LRMDA: variants seen among roughly 807,000 people sequenced by gnomAD.
The protein encoded by LRMDA is leucine rich melanocyte differentiation associated.
Under a neutral mutation model 29.8 loss-of-function variants are expected in LRMDA, and 18 were observed. The observed-to-expected ratio is 0.60, with a 90% CI of 0.42 to 0.90. The LOEUF (loss-of-function observed/expected upper bound fraction) is 0.90. Ranked by LOEUF, LRMDA falls within the 40% of genes least tolerant of loss-of-function variation. The probability of loss-of-function intolerance (pLI) is 0.00; values close to 1 mark genes in which losing one functional copy is unlikely to be tolerated. For synonymous variants in LRMDA, 125 were observed against 109.4 expected (o/e 1.14, Z -0.89); for missense variants, 273 against 273.9 (o/e 1.00, Z 0.02).
chr10:76,416,488 G>T (rs569248036), intron 6 of LRMDA, among the ~76,000 whole-genome samples: 3 of 152,148 alleles, frequency 2.0e-5, no homozygotes, highest in Admixed American at 6.5e-5. Context: ...TTTTTCCCAG[G>T]TTAGTTATGA....
chr10:76,226,201 A>G (rs1183373597), intron 5 of LRMDA, among the ~76,000 whole-genome samples: 1 of 152,028 alleles, frequency 6.6e-6, no homozygotes, highest in African/African-American at 2.4e-5. Context: ...ACTTACAGTC[A>G]TAGTGGAAGG....
At chr10:75,918,030 A>G (rs1346488630) in intron 2 of LRMDA, among the ~76,000 whole-genome samples, 1 of 152,146 alleles carries the variant, frequency 6.6e-6, no homozygotes, top group Non-Finnish European at 1.5e-5. Context: ...CCAGAGCTGA[A>G]AGCCAAGATG....
At position 76,258,160 on chromosome 10, in the gene LRMDA, G is replaced by T. The variant is rs117810361; in HGVS notation, c.517-66241G>T. Among the ~76,000 whole-genome samples the T allele has an allele frequency of 2.7e-3, 416 of 152,300 alleles. 20 individuals carry two copies. In the East Asian group the frequency reaches 0.062, roughly 23 times the overall value. On this transcript the variant is annotated intron_variant, in intron 5 of 6. Transcript: ENST00000611255. ...CAGGGAAGTATGTATAGAGGTAAAAGAAATTTTTGCAGCCTTTTTTGTGAA... is the reference window on the plus strand; with the variant it reads ...CAGGGAAGTATGTATAGAGGTAAAATAAATTTTTGCAGCCTTTTTTGTGAA...
At chr10:76,145,086 C>T (rs141328372) in intron 5 of LRMDA, among the ~76,000 whole-genome samples, 17,345 of 152,120 alleles carry the variant, frequency 0.11, 1,129 homozygotes, top group East Asian at 0.24. Flanking sequence ...CTGCTGGATT[C>T]GGTTTGCCAG....
chr10:76,450,618 A>G (rs1842396321), intron 6 of LRMDA, among the ~76,000 whole-genome samples: 1 of 152,102 alleles, frequency 6.6e-6, no homozygotes, highest in Non-Finnish European at 1.5e-5. Context: ...CTTCTCTTCT[A>G]TATTTTTCCT....
chr10:76,132,993 T>G (rs918189454), intron 5 of LRMDA, among the ~76,000 whole-genome samples: 6 of 139,782 alleles, frequency 4.3e-5, no homozygotes, highest in African/African-American at 1.7e-4. Context: ...TTTTTTTTTT[T>G]TGTATTTTTA....
intron 2 of LRMDA, among the ~76,000 whole-genome samples, chr10:75,685,833 G>A (rs1175323638): frequency 1.3e-5 from 2 of 152,166 alleles, no homozygotes; most frequent in Non-Finnish European, 2.9e-5. Flanking sequence ...ATAAACAATA[G>A]TAATCACAAT....
rs1466298761 is a variant in LRMDA, at chr10:76,501,032, TCTC to T, written c.602-56173_602-56171del. On this transcript the variant is annotated intron_variant, in intron 6 of 6. Coordinates refer to ENST00000611255, the MANE Select transcript of LRMDA (RefSeq NM_001305581.2). The stretch of plus-strand genomic sequence containing the variant: ...TTTCAGCCCACACTCCCTTTCTCCT[TCTC>T]CTCTCTAGTAGTCTCCAGTGTTGAT... Among the ~76,000 whole-genome samples the T allele has an allele frequency of 6.7e-5, 5 of 74,194 alleles. 1 individual carries two copies. The highest frequency in any genetic ancestry group is 1.6e-4 in the African/African-American group (5 of 30,454). The allele number at this position is 74,194 out of a possible 152,430, so 48.7% of individuals were successfully genotyped here.
chr10:75,996,882 G>A (rs1176331237), intron 2 of LRMDA, among the ~76,000 whole-genome samples: 4 of 151,746 alleles, frequency 2.6e-5, no homozygotes, highest in Non-Finnish European at 5.9e-5. Flanking sequence ...ACAGGCGCCC[G>A]CCACCATGCC....
intron 2 of LRMDA, among the ~76,000 whole-genome samples, chr10:75,948,057 A>G (rs1206194318): frequency 1.3e-5 from 2 of 152,238 alleles, no homozygotes; most frequent in East Asian, 3.8e-4. Flanking sequence ...GCTTCTTTGC[A>G]GACACTCACA....
At chr10:75,911,880 C>T (rs1201448049) in intron 2 of LRMDA, among the ~76,000 whole-genome samples, 1 of 152,162 alleles carries the variant, frequency 6.6e-6, no homozygotes, top group Non-Finnish European at 1.5e-5. Flanking sequence ...CAGAAGTTGT[C>T]GGTGACCACC....
chr10:75,788,062 G>A (rs1255512603), intron 2 of LRMDA, among the ~76,000 whole-genome samples: 2 of 147,248 alleles, frequency 1.4e-5, no homozygotes, highest in Admixed American at 6.8e-5. Flanking sequence ...TTAGCTGGAC[G>A]TGGTGGTGGG....
chr10:76,415,056 C>T (rs746927640), intron 6 of LRMDA, among the ~76,000 whole-genome samples: 3 of 152,252 alleles, frequency 2.0e-5, no homozygotes, highest in East Asian at 1.9e-4. Flanking sequence ...AGGCCCTTCC[C>T]TCTTGGGAGC....
intron 5 of LRMDA, among the ~76,000 whole-genome samples, chr10:76,250,255 T>A (rs1852452856): frequency 6.6e-6 from 1 of 152,228 alleles, no homozygotes. Context: ...TTGAAAGATG[T>A]ATCCTGGAAA....
At chr10:76,331,679 G>A (rs1440397743) in intron 6 of LRMDA, among the ~76,000 whole-genome samples, 1 of 152,222 alleles carries the variant, frequency 6.6e-6, no homozygotes, top group African/African-American at 2.4e-5. Context: ...CCTTGACTGT[G>A]TGGGGGAAGA....
At chr10:75,782,860 C>T (rs905433823) in intron 2 of LRMDA, 10 of 1,549,566 alleles carry the variant, frequency 6.5e-6, no homozygotes, top group South Asian at 1.2e-5. Context: ...ATTCTTTTTC[C>T]CTTGCCCCCA....
chr10:75,559,021 A>T (rs1381462263), intron 2 of LRMDA, among the ~76,000 whole-genome samples: 2 of 150,610 alleles, frequency 1.3e-5, no homozygotes, highest in Non-Finnish European at 1.5e-5. Flanking sequence ...TAGCAGCATG[A>T]TTTATAGTCC....
chr10:75,522,214 G>A (rs1478114701), intron 2 of LRMDA, among the ~76,000 whole-genome samples: 1 of 152,192 alleles, frequency 6.6e-6, no homozygotes, highest in Non-Finnish European at 1.5e-5. Context: ...ACTATCCTGA[G>A]GTAGCAGGTG....
chr10:75,879,540 G>A (rs1845259131), intron 2 of LRMDA, among the ~76,000 whole-genome samples: 2 of 152,268 alleles, frequency 1.3e-5, no homozygotes, highest in African/African-American at 4.8e-5. Flanking sequence ...GCTTGTTGTT[G>A]CGCTGATGTA....
Sources: allele counts gnomAD v4.1 joint callset (sites outside exome capture counted in the v4.1 genomes callset), GRCh38; gene constraint gnomAD v4.1.1; transcripts MANE v1.5; gene names NCBI Gene and HGNC (gene_info 2026-07-23, HGNC 2026-07-21).